RREB1: variants seen among roughly 807,000 people sequenced by gnomAD.
RREB1 encodes ras responsive element binding protein 1.
In RREB1, 27 loss-of-function variants were observed where a neutral mutation model predicts 117.8. That is an observed-to-expected ratio of 0.23 (90% confidence interval 0.17 to 0.32). The LOEUF is 0.32. Among genes scored for constraint, RREB1 ranks in the 10% least tolerant of loss-of-function variants. The pLI, the probability that RREB1 is intolerant of heterozygous loss-of-function variation, is 1.00. For synonymous variants in RREB1, 1,298 were observed against 1,026.7 expected (o/e 1.26, Z -5.05); for missense variants, 2,577 against 2,378.2 (o/e 1.08, Z -1.74).
At chr6:7,116,439 T>C (rs1761403080) in intron 1 of RREB1, among the ~76,000 whole-genome samples, 3 of 152,218 alleles carry the variant, frequency 2.0e-5, no homozygotes, top group Non-Finnish European at 4.4e-5. Context: ...ATCTGTCAAG[T>C]CTTGTCTGTT....
intron 1 of RREB1, among the ~76,000 whole-genome samples, chr6:7,116,431 C>T (rs917039607): frequency 1.3e-5 from 2 of 152,216 alleles, no homozygotes; most frequent in Non-Finnish European, 2.9e-5. Flanking sequence ...TTACCCCCAT[C>T]TGTCAAGTCT....
At chr6:7,109,251 G>GCC (rs552947234) in intron 1 of RREB1, among the ~76,000 whole-genome samples, 2 of 151,028 alleles carry the variant, frequency 1.3e-5, no homozygotes, top group African/African-American at 4.9e-5. Context: ...GCCTGTTGCT[G>GCC]CCCCCCCCGC....
chr6:7,156,070 AAATTTTT>A (rs1217433339), intron 1 of RREB1, among the ~76,000 whole-genome samples: 1 of 152,230 alleles, frequency 6.6e-6, no homozygotes, highest in Non-Finnish European at 1.5e-5. Flanking sequence ...AGATTTGCTG[AAATTTTT>A]AGTTTTCTGC....
chr6:7,230,765 C>T lies in RREB1; in HGVS notation c.2666C>T (p.Ala889Val), dbSNP rs759044764. Residue 889 changes from alanine (A) to valine (V), a missense_variant, in exon 10 of 13, where the codon GCC becomes GTC. Transcript: ENST00000379938. ...CATGTCTCGATCAAGTTGGAGCCCGCCAGTAGCTTTGCGGTGGACTTCAAT... is the reference window on the plus strand; with the variant it reads ...CATGTCTCGATCAAGTTGGAGCCCGTCAGTAGCTTTGCGGTGGACTTCAAT... ...PPHVSIKLEP[A>V]SSFAVDFNEP... 5.0e-6 allele frequency: 8 copies of T among 1,611,950 alleles called. No individual in the cohort carries two copies. The Admixed American group carries it at 1.3e-4, about 27-fold the overall frequency.
At position 7,230,909 on chromosome 6, in the gene RREB1, T is replaced by C; in HGVS notation, c.2810T>C (p.Leu937Pro). ...PYDCSMEPID[L>P]SIPKNFRKGD... ...GACTGCTCCATGGAGCCCATCGACC[T>C]GTCCATCCCCAAGAACTTCAGGAAA... Residue 937 changes from leucine to proline, a missense_variant, in exon 10 of 13, where the codon CTG becomes CCG. Physicochemically the swap from Leu to Pro is moderately conservative, Grantham distance 98. Transcript: ENST00000379938. 1 of 1,614,130 alleles carries C rather than the reference T, an allele frequency of 6.2e-7. No individual in the cohort carries two copies. Among genetic ancestry groups the C allele is most frequent in the Non-Finnish European group, 8.5e-7 (1 of 1,180,000 alleles).
chr6:7,208,582 A>C (rs1467116327), intron 6 of RREB1, among the ~76,000 whole-genome samples: 1 of 152,196 alleles, frequency 6.6e-6, no homozygotes, highest in Non-Finnish European at 1.5e-5. Flanking sequence ...CAGTGGGAGA[A>C]CTGGAGTGAG....
rs764319083 is a variant in RREB1 at position 7,230,889 on chromosome 6, C to T, written c.2790C>T (p.Cys930=). The change falls in exon 10 of 13, where the codon TGC becomes TGT. Residue 930 remains cysteine (C), a synonymous_variant. Coordinates refer to ENST00000379938, the MANE Select transcript of RREB1 (RefSeq NM_001003699.4). Reference sequence around the variant, plus strand: ...CTTCTTCCCTGGTCCCCTATGACTGCTCCATGGAGCCCATCGACCTGTCCA... The same window carrying T: ...CTTCTTCCCTGGTCCCCTATGACTGTTCCATGGAGCCCATCGACCTGTCCA... The part of the protein sequence containing the change: ...LSPSSLVPYD[C]SMEPIDLSIP... 69 of 1,614,222 alleles carry T rather than the reference C, an allele frequency of 4.3e-5. No homozygotes were observed. The highest frequency in any genetic ancestry group is 3.8e-4 in the Admixed American group (23 of 60,028).
At chr6:7,167,970 C>T (rs546985479) in intron 1 of RREB1, among the ~76,000 whole-genome samples, 166 of 151,588 alleles carry the variant, frequency 1.1e-3, no homozygotes, top group African/African-American at 3.9e-3. Flanking sequence ...TTTAAGACTC[C>T]CCATGTCAGG....
At chr6:7,195,541 A>G (rs1450359518) in intron 6 of RREB1, among the ~76,000 whole-genome samples, 1 of 152,242 alleles carries the variant, frequency 6.6e-6, no homozygotes, top group Admixed American at 6.5e-5. Context: ...ATGTGTGTGC[A>G]GGAATTAAAA....
intron 1 of RREB1, among the ~76,000 whole-genome samples, chr6:7,150,201 A>G (rs1182078412): frequency 6.6e-6 from 1 of 152,072 alleles, no homozygotes; most frequent in Non-Finnish European, 1.5e-5. Flanking sequence ...ACTGGTTCTC[A>G]AGTGGTTTGA....
chr6:7,141,949 C>G (rs919466235), intron 1 of RREB1, among the ~76,000 whole-genome samples: 2 of 152,218 alleles, frequency 1.3e-5, no homozygotes, highest in Admixed American at 6.5e-5. Flanking sequence ...CATAGGCTCA[C>G]GCTCGTAATT....
At chr6:7,123,421 C>G (rs1026097273) in intron 1 of RREB1, among the ~76,000 whole-genome samples, 2 of 152,054 alleles carry the variant, frequency 1.3e-5, no homozygotes, top group African/African-American at 4.8e-5. Flanking sequence ...CTCAGCCTCC[C>G]GAAGTGCTAG....
chr6:7,140,960 C>G (rs1410687956), intron 1 of RREB1, among the ~76,000 whole-genome samples: 1 of 152,210 alleles, frequency 6.6e-6, no homozygotes, highest in Non-Finnish European at 1.5e-5. Flanking sequence ...TGCCTTCCCT[C>G]AGAGGCGGGC....
At chr6:7,109,338 C>T (rs1226100640) in intron 1 of RREB1, among the ~76,000 whole-genome samples, 3 of 152,074 alleles carry the variant, frequency 2.0e-5, no homozygotes, top group East Asian at 3.9e-4. Context: ...GAAACTGCGA[C>T]CTTAATGGTT....
Position 7,249,095 on chromosome 6 carries a change from G to GAGAGAGAC in RREB1, c.*134_*135insCAGAGAGA. Reference sequence around the variant, plus strand: ...AGAGAGAGAGAGAGAGAGAGAGAGAGAGAGAGAGACAAGCAGGAGCGTGGC... The same window carrying GAGAGAGAC: ...AGAGAGAGAGAGAGAGAGAGAGAGAGAGAGAGACAGAGAGAGACAAGCAGGAGCGTGGC... On this transcript the variant is annotated 3_prime_UTR_variant, in exon 13 of 13. Transcript: ENST00000379938. 2.8e-6 allele frequency: 2 copies of GAGAGAGAC among 717,202 alleles called. No homozygotes were observed. Among genetic ancestry groups the GAGAGAGAC allele is most frequent in the Non-Finnish European group, 4.3e-6 (2 of 467,586 alleles). The allele number at this position is 717,202 out of a possible 1,614,324, so 44.4% of individuals were successfully genotyped here.
chr6:7,149,463 T>TA (rs1339854050), intron 1 of RREB1, among the ~76,000 whole-genome samples: 4 of 152,250 alleles, frequency 2.6e-5, no homozygotes, highest in African/African-American at 4.8e-5. Context: ...AGACTTACTG[T>TA]AAAAAACCAT....
At position 7,246,638 on chromosome 6, in the gene RREB1, T is replaced by A. The variant is rs1396510137; in HGVS notation, c.4188T>A (p.Thr1396=). 1 of 1,573,382 alleles carries A rather than the reference T, an allele frequency of 6.4e-7. No homozygotes were observed. Among genetic ancestry groups the A allele is most frequent in the Non-Finnish European group, 8.6e-7 (1 of 1,159,618 alleles). ...ATGAGCCGGAGGAGGAGCATGGCAC[T>A]GAGGAGAGCACTGGGGACGCCGACG... ...ESHEPEEEHG[T]EESTGDADGA... is the part of the protein sequence containing the mutation. Residue 1396 remains threonine, a synonymous_variant, in exon 12 of 13, where the codon ACT becomes ACA. Transcript: ENST00000379938.
chr6:7,201,836 G>A, intron 6 of RREB1, among the ~76,000 whole-genome samples: 1 of 152,106 alleles, frequency 6.6e-6, no homozygotes, highest in Non-Finnish European at 1.5e-5. Context: ...GAAAACTGAG[G>A]TCTGCCATGC....
chr6:7,112,196 A>G (rs1761179955), intron 1 of RREB1, among the ~76,000 whole-genome samples: 1 of 152,246 alleles, frequency 6.6e-6, no homozygotes, highest in Admixed American at 6.5e-5. Context: ...GAAAACAAAA[A>G]TAGGTGTGAT....
Sources: gnomAD v4.1 joint callset for allele counts (sites outside exome capture counted in the v4.1 genomes callset) on GRCh38, gnomAD v4.1.1 for gene constraint, MANE v1.5 for transcripts, NCBI Gene and HGNC (gene_info 2026-07-23, HGNC 2026-07-21) for gene names.